MPP1: variants seen among roughly 807,000 people sequenced by gnomAD.
MPP1 encodes 55 kDa erythrocyte membrane protein.
In MPP1, 6 loss-of-function variants were observed where a neutral mutation model predicts 38.2. The observed-to-expected ratio is 0.16, with a 90% CI of 0.09 to 0.31. The LOEUF is 0.31. MPP1 is among the 10% of genes least tolerant of loss of function. The probability of loss-of-function intolerance (pLI) is 1.00; values close to 1 mark genes in which losing one functional copy is unlikely to be tolerated. For missense variants in MPP1, 293 were observed against 368.9 expected (o/e 0.79, Z 1.69); for synonymous variants, 153 against 146.3 (o/e 1.05, Z -0.33).
chrX:154,784,452 G>T (rs917561466), intron 7 of MPP1, among the ~76,000 whole-genome samples: 1 of 110,501 alleles, frequency 9.0e-6, no homozygotes, highest in South Asian at 3.9e-4. Context: ...ATGCTATCTC[G>T]GTTCTGCCTG....
intron 1 of MPP1, among the ~76,000 whole-genome samples, chrX:154,802,513 G>A (rs1367366332): frequency 1.8e-5 from 2 of 111,538 alleles, no homozygotes; most frequent in African/African-American, 6.5e-5. Flanking sequence ...TCAACCAATT[G>A]CTTCAGGTCC....
chrX:154,786,307 T>G lies in MPP1; in HGVS notation c.574A>C (p.Ile192Leu), dbSNP rs1342003738. Residue 192 changes from isoleucine to leucine, a missense_variant, in exon 6 of 12, where the codon ATC becomes CTC. Transcript: ENST00000369534. Reference protein sequence around the residue: ...AGLKFATGDIIQIINKDDSNW... With the variant: ...AGLKFATGDILQIINKDDSNW... The stretch of plus-strand genomic sequence containing the variant: ...CTGTCATCCTTGTTGATAATCTGGA[T>G]AATGTCCCCAGTAGCAAACTTCAGT... 8.3e-7 allele frequency: 1 copy of G among 1,209,843 alleles called. No homozygotes were observed. The highest frequency in any genetic ancestry group is 1.1e-6 in the Non-Finnish European group (1 of 895,138).
chrX:154,804,248 G>A (rs1311945317), intron 1 of MPP1, among the ~76,000 whole-genome samples: 1 of 111,647 alleles, frequency 9.0e-6, no homozygotes. Flanking sequence ...CTGTGAAATC[G>A]GAGGGTTACT....
chrX:154,796,251 C>T (rs2072196841), intron 1 of MPP1, among the ~76,000 whole-genome samples: 2 of 110,838 alleles, frequency 1.8e-5, no homozygotes, highest in South Asian at 7.6e-4. Flanking sequence ...CTGCCTCAGC[C>T]TCCCGAGTAG....
chrX:154,791,294 T>A (rs1159366011), intron 3 of MPP1: 1 of 401,029 alleles, frequency 2.5e-6, no homozygotes, highest in African/African-American at 2.5e-5. Context: ...GTCCTCAAAT[T>A]CCTGGAACTA....
intron 1 of MPP1, among the ~76,000 whole-genome samples, chrX:154,798,735 AT>A (rs2072226874): frequency 9.1e-6 from 1 of 110,441 alleles, no homozygotes; most frequent in Non-Finnish European, 1.9e-5. Context: ...ATTTTATTTT[AT>A]TTATTTTATT....
Position 154,784,051 on chromosome X carries a change from T to C in MPP1, c.842A>G (p.Lys281Arg), listed in dbSNP as rs782417469. The stretch of plus-strand genomic sequence containing the variant: ...ACCGATCAGCACCAGGGTCTTCCTC[T>C]TGAATGCAGGGAGCCGAACGACTTC... Reference protein sequence around the residue: ...YEEVVRLPAFKRKTLVLIGAS... With the variant: ...YEEVVRLPAFRRKTLVLIGAS... The change falls in exon 8 of 12, where the codon AAG (lysine) becomes AGG (arginine). Residue 281 changes from lysine to arginine, a missense_variant. Lys to Arg is a conservative substitution (Grantham distance 26). Transcript: ENST00000369534. 11 of 1,208,164 alleles carry C rather than the reference T, an allele frequency of 9.1e-6. No homozygotes were observed. In the African/African-American group the frequency reaches 1.9e-4, roughly 21 times the overall value.
At chrX:154,781,553 C>T (rs1569558763) in intron 10 of MPP1, 47 bp downstream of exon 10, 3 of 1,165,024 alleles carry the variant, frequency 2.6e-6, no homozygotes, top group Non-Finnish European at 3.5e-6. Flanking sequence ...TTCGCCATCC[C>T]TTGTGTGGCT....
intron 1 of MPP1, among the ~76,000 whole-genome samples, chrX:154,802,366 C>T (rs896601498): frequency 4.4e-4 from 49 of 111,823 alleles, no homozygotes; most frequent in African/African-American, 1.5e-3. Flanking sequence ...TGACCACCAG[C>T]GGGGAGTAAT....
chrX:154,794,250 A>G (rs2148535038), intron 1 of MPP1, among the ~76,000 whole-genome samples: 1 of 111,467 alleles, frequency 9.0e-6, no homozygotes, highest in South Asian at 3.8e-4. Context: ...CTACTGCTAC[A>G]CCACTCCATG....
intron 11 of MPP1, 144 bp downstream of exon 11, chrX:154,781,095 C>T: frequency 1.9e-6 from 1 of 527,848 alleles, no homozygotes; most frequent in Non-Finnish European, 3.3e-6. Flanking sequence ...ATGTGCATAC[C>T]CTTTGGCTTC....
chrX:154,791,990 C>T (rs1196529487), intron 2 of MPP1, 143 bp from the exon 3 acceptor site: 1 of 985,729 alleles, frequency 1.0e-6, no homozygotes, highest in Non-Finnish European at 1.4e-6. Flanking sequence ...ATGAAGCCTG[C>T]TTTGAGGAGG....
intron 6 of MPP1, 52 bp from the exon 7 acceptor site, chrX:154,785,209 C>A (rs782647611): frequency 2.1e-5 from 16 of 751,084 alleles, no homozygotes; most frequent in Non-Finnish European, 2.6e-5. Flanking sequence ...TCCCCTCATA[C>A]CCCCCCCAGC....
chrX:154,781,447 C>G, intron 10 of MPP1, 134 bp from the exon 11 acceptor site: 1 of 776,353 alleles, frequency 1.3e-6, no homozygotes, highest in Non-Finnish European at 1.9e-6. Context: ...ATACAACTTT[C>G]CATCATTCCC....
intron 9 of MPP1, chrX:154,782,150 C>A (rs1412851720): frequency 5.4e-6 from 1 of 185,693 alleles, no homozygotes; most frequent in Non-Finnish European, 9.9e-6. Context: ...GATCTACAGA[C>A]TATGGTCAGG....
rs2072312170 is a variant in MPP1 at position 154,805,433 on chromosome X, G to C, written c.-60C>G. The C allele has an allele frequency of 3.9e-6, 4 of 1,034,756 alleles. No individual in the cohort carries two copies. Among genetic ancestry groups the C allele is most frequent in the Non-Finnish European group, 5.3e-6 (4 of 758,184 alleles). The allele number at this position is 1,034,756 out of a possible 1,213,427, so 85.3% of individuals were successfully genotyped here. On this transcript the variant is annotated 5_prime_UTR_variant, in exon 1 of 12. Coordinates refer to ENST00000369534, the MANE Select transcript of MPP1 (RefSeq NM_002436.4). ...GGCAGCGCTGGGAATGACAGGGCCC[G>C]GGGCCTGCGGGGCTGCGGAGAAGGC...
At chrX:154,781,464 A>G in intron 10 of MPP1, 136 bp downstream of exon 10, 2 of 802,843 alleles carry the variant, frequency 2.5e-6, no homozygotes, top group Non-Finnish European at 3.7e-6. Flanking sequence ...TCCCAGTACT[A>G]CTGTTCTTGT....
intron 11 of MPP1, among the ~76,000 whole-genome samples, chrX:154,779,707 A>G (rs1344068094): frequency 1.8e-5 from 2 of 112,258 alleles, no homozygotes; most frequent in Non-Finnish European, 3.8e-5. Flanking sequence ...AAACGAAGAT[A>G]AAGGTGATTT....
chrX:154,794,350 C>G (rs1557267991), intron 1 of MPP1, among the ~76,000 whole-genome samples: 1 of 111,688 alleles, frequency 9.0e-6, no homozygotes, highest in African/African-American at 3.3e-5. Flanking sequence ...CTTTCCTCAT[C>G]TTACTGATCT....
Sources: allele counts gnomAD v4.1 joint callset (sites outside exome capture counted in the v4.1 genomes callset), GRCh38; gene constraint gnomAD v4.1.1; transcripts MANE v1.5; gene names NCBI Gene and HGNC (gene_info 2026-07-23, HGNC 2026-07-21).